Variants in KDM5C observed in about 807,000 individuals in gnomAD.
KDM5C encodes lysine-specific demethylase 5C.
Under a neutral mutation model 110.6 loss-of-function variants are expected in KDM5C, and 16 were observed. The observed-to-expected ratio is 0.14, with a 90% CI of 0.10 to 0.22. The LOEUF is 0.22. Among genes scored for constraint, KDM5C ranks in the 10% least tolerant of loss-of-function variants. The pLI, the probability that KDM5C is intolerant of heterozygous loss-of-function variation, is 1.00. For missense variants in KDM5C, 681 were observed against 1,300.9 expected (o/e 0.52, Z 7.33); for synonymous variants, 511 against 520.4 (o/e 0.98, Z 0.24).
At chrX:53,215,575 G>A in intron 7 of KDM5C, 1 of 454,369 alleles carries the variant, frequency 2.2e-6, no homozygotes, top group Admixed American at 3.5e-5. Context: ...TCCTTCTCTG[G>A]ACCCTTCCAG....
At position 53,183,412 on chromosome X, in the gene KDM5C, G is replaced by A. The variant is rs781811521; in HGVS notation, c.4309-6790C>T. Among the ~76,000 whole-genome samples the A allele has an allele frequency of 5.6e-5, 6 of 106,812 alleles. No homozygotes were observed. The Admixed American group carries it at 6.0e-4, about 11-fold the overall frequency. The allele number at this position is 106,812 out of a possible 115,157, so 92.8% of individuals were successfully genotyped here. A position where few individuals can be genotyped will look rare whatever the true frequency, so the allele number is the denominator to read the frequency against. On this transcript the variant is annotated intron_variant, in intron 25 of 25. Coordinates refer to the KDM5C transcript ENST00000685641. ...TCAAACTGCAGTGAGCCAAGATTAC[G>A]CCACTGCACTCCAGCCTGGGCAACA... is the stretch of plus-strand genomic sequence containing the variant.
intron 2 of KDM5C, among the ~76,000 whole-genome samples, chrX:53,220,271 G>C (rs1438385170): frequency 1.8e-5 from 2 of 111,695 alleles, no homozygotes; most frequent in African/African-American, 6.5e-5. Flanking sequence ...TCCATGAAAA[G>C]GGCCTGGACT....
At chrX:53,217,064 G>T in intron 5 of KDM5C, 79 bp downstream of exon 5, 1 of 1,078,188 alleles carries the variant, frequency 9.3e-7, no homozygotes, top group East Asian at 3.3e-5. Flanking sequence ...AATGGAACAG[G>T]GAACACAGCC....
intron 9 of KDM5C, 46 bp from the exon 10 acceptor site, chrX:53,211,701 G>C (rs1302895819): frequency 8.3e-7 from 1 of 1,207,397 alleles, no homozygotes; most frequent in Non-Finnish European, 1.1e-6. Flanking sequence ...TCACACCCTG[G>C]ACCCACTGAT....
chrX:53,196,982 G>A lies in KDM5C; in HGVS notation c.2685C>T (p.Pro895=). The A allele has an allele frequency of 3.4e-6, 4 of 1,193,630 alleles. No homozygotes were observed. The highest frequency in any genetic ancestry group is 4.5e-6 in the Non-Finnish European group (4 of 886,430). Residue 895 remains proline (P), a synonymous_variant, in exon 19 of 26, where the codon CCC becomes CCT. Coordinates refer to ENST00000375401, the MANE Select transcript of KDM5C (RefSeq NM_004187.5). The part of the protein sequence containing the change: ...AEAREALASL[P]SSPGLLQSLL... ...GGGACTGCAGTAGCCCTGGACTGGA[G>A]GGCAGTGAGGCCAGGGCCTCACGAG...
Position 53,207,531 on chromosome X carries a change from T to C in KDM5C, c.1746+2883A>G, listed in dbSNP as rs199703003. On this transcript the variant is annotated intron_variant, in intron 12 of 25. Transcript: ENST00000375401. ...AAAAACCATACACTAATTATTGCTA[T>C]GTCAAATTTTACATAGAAAAATATA... Among the ~76,000 whole-genome samples the C allele has an allele frequency of 1.7e-4, 19 of 112,339 alleles. No homozygotes were observed. In the East Asian group the frequency reaches 4.7e-3, roughly 28 times the overall value.
In KDM5C at chrX:53,194,489, A is replaced by C. The variant is rs782255904; in HGVS notation, c.3688T>G (p.Ser1230Ala). The C allele has an allele frequency of 8.3e-7, 1 of 1,210,887 alleles. No homozygotes were observed. The highest frequency in any genetic ancestry group is 1.1e-6 in the Non-Finnish European group (1 of 894,958). Reference sequence around the variant, plus strand: ...CATTCCCACCAGGCCAGCAGTGGGGATGAGGTGGGATTGGGCCTCGGAGAG... The same window carrying C: ...CATTCCCACCAGGCCAGCAGTGGGGCTGAGGTGGGATTGGGCCTCGGAGAG... ...LSSPRPNPTS[S>A]PLLAWWEWDT... The change falls in exon 23 of 26, where the codon TCC becomes GCC. Residue 1230 changes from serine to alanine, a missense_variant. Around this residue, in one of 14 missense-constraint regions of KDM5C, gnomAD observed 48 missense variants for 59.7 expected, o/e 0.80. Coordinates refer to ENST00000375401, the MANE Select transcript of KDM5C (RefSeq NM_004187.5).
intron 23 of KDM5C, 116 bp from the exon 24 acceptor site, chrX:53,193,967 C>A: frequency 1.1e-6 from 1 of 948,886 alleles, no homozygotes; most frequent in South Asian, 2.1e-5. Context: ...AGGGAAGACA[C>A]AGGCTGCCAG....
intron 5 of KDM5C, among the ~76,000 whole-genome samples, chrX:53,216,669 G>T (rs1206796399): frequency 1.8e-5 from 2 of 111,784 alleles, no homozygotes; most frequent in Admixed American, 1.9e-4. Flanking sequence ...GCTGGGAACA[G>T]TGGTACACAC....
chrX:53,204,353 C>T (rs893601512), intron 12 of KDM5C, among the ~76,000 whole-genome samples: 8 of 107,311 alleles, frequency 7.5e-5, no homozygotes, highest in African/African-American at 2.8e-4. Context: ...ATGATAAATC[C>T]TAATTACATT....
At chrX:53,208,442 T>C (rs4830358) in intron 12 of KDM5C, among the ~76,000 whole-genome samples, 1,951 of 24,120 alleles carry the variant, frequency 0.081, 26 homozygotes, top group East Asian at 0.18. Flanking sequence ...TATATATATA[T>C]ACACACACAC....
At chrX:53,213,407 C>A (rs1556850016) in intron 8 of KDM5C, among the ~76,000 whole-genome samples, 3 of 112,056 alleles carry the variant, frequency 2.7e-5, no homozygotes, top group African/African-American at 9.7e-5. Context: ...TCTCTACAAC[C>A]ACAGTTGAGT....
intron 14 of KDM5C, among the ~76,000 whole-genome samples, chrX:53,200,219 C>G (rs1028193203): frequency 4.5e-5 from 5 of 111,493 alleles, no homozygotes; most frequent in African/African-American, 1.6e-4. Flanking sequence ...AGTAACTTGC[C>G]AAACTGAGTT....
At chrX:53,217,010 G>A in intron 5 of KDM5C, 133 bp downstream of exon 5, 1 of 789,628 alleles carries the variant, frequency 1.3e-6, no homozygotes, top group Non-Finnish European at 1.9e-6. Flanking sequence ...GCCAGAGAGA[G>A]GCACACTAAT....
chrX:53,194,273 T>C lies in KDM5C; in HGVS notation c.3904A>G (p.Thr1302Ala). The C allele has an allele frequency of 8.3e-7, 1 of 1,212,000 alleles. No individual in the cohort carries two copies. Among genetic ancestry groups the C allele is most frequent in the Non-Finnish European group, 1.1e-6 (1 of 895,480 alleles). Residue 1302 changes from threonine to alanine, a missense_variant, in exon 23 of 26, where the codon ACT (threonine) becomes GCT (alanine). By Grantham distance (58) the Thr-to-Ala change is moderately conservative. This residue lies in a region of KDM5C where 88 missense variants were observed against 85.6 expected (regional missense o/e 1.03). Transcript: ENST00000375401. ...TCAGCCAGCCGTCCCAAAAGAGCAG[T>C]CACATCTTCAGAGGCCAGAGCCTGC... is the stretch of plus-strand genomic sequence containing the variant. ...ARQALASEDV[T>A]ALLGRLAELR...
intron 19 of KDM5C, 86 bp from the exon 20 acceptor site, chrX:53,196,140 G>A: frequency 9.6e-7 from 1 of 1,045,402 alleles, no homozygotes; most frequent in African/African-American, 1.8e-5. Context: ...TATCTGCATG[G>A]GCCCCTTGGG....
chrX:53,210,605 G>A (rs782548373), intron 11 of KDM5C, 29 bp from the exon 12 acceptor site: 2 of 1,211,581 alleles, frequency 1.7e-6, no homozygotes. Flanking sequence ...GACACACACA[G>A]TAAATCACAC....
chrX:53,197,609 C>CA, intron 18 of KDM5C, 162 bp downstream of exon 18: 1 of 489,153 alleles, frequency 2.0e-6, no homozygotes, highest in Non-Finnish European at 3.6e-6. Context: ...TTCTAACAGA[C>CA]AAGTCACTAG....
chrX:53,178,071 T>A lies in KDM5C; in HGVS notation c.4309-1449A>T, dbSNP rs138723375. ...CAGGGTCTCACTATGTTGTCCAGGC[T>A]GGCTTGAACTCCTGGGCTCAAGCGA... On this transcript the variant is annotated intron_variant, in intron 25 of 25. Coordinates refer to the KDM5C transcript ENST00000685641. Among the ~76,000 whole-genome samples the A allele has an allele frequency of 8.4e-3, 935 of 111,571 alleles. 12 individuals carry two copies. The highest frequency in any genetic ancestry group is 0.029 in the African/African-American group (890 of 30,698).
Sources: allele counts gnomAD v4.1 joint callset (sites outside exome capture counted in the v4.1 genomes callset), GRCh38; gene constraint gnomAD v4.1.1; regional missense constraint gnomAD v4.1.1; transcripts MANE v1.5; gene names NCBI Gene and HGNC (gene_info 2026-07-23, HGNC 2026-07-21).